CSGALNACT1: variants seen among roughly 807,000 people sequenced by gnomAD.
CSGALNACT1 encodes chondroitin sulfate N-acetylgalactosaminyltransferase 1.
A neutral mutation model predicts 51.0 loss-of-function variants in CSGALNACT1; 52 were observed. The ratio of observed to expected loss-of-function variants is 1.02; its 90% confidence interval spans 0.82 to 1.29. The LOEUF (loss-of-function observed/expected upper bound fraction) is 1.29. Among genes scored for constraint, CSGALNACT1 ranks in the 50% most tolerant of loss-of-function variants. The pLI is 0.00. For missense variants in CSGALNACT1, 935 were observed against 679.2 expected (o/e 1.38, Z -4.19); for synonymous variants, 341 against 254.4 (o/e 1.34, Z -3.24).
At chr8:19,432,149 T>C (rs1465857550) in intron 6 of CSGALNACT1, among the ~76,000 whole-genome samples, 2 of 152,200 alleles carry the variant, frequency 1.3e-5, no homozygotes, top group Non-Finnish European at 2.9e-5. Context: ...ACAGGGCATG[T>C]TTATTAGTGA....
intron 6 of CSGALNACT1, among the ~76,000 whole-genome samples, chr8:19,432,722 T>C (rs2059822634): frequency 1.3e-5 from 2 of 152,194 alleles, no homozygotes; most frequent in African/African-American, 4.8e-5. Context: ...CTCTGCCTTA[T>C]TAATTTTTCG....
At chr8:19,589,738 T>C (rs1393106640) in intron 3 of CSGALNACT1, among the ~76,000 whole-genome samples, 1 of 152,238 alleles carries the variant, frequency 6.6e-6, no homozygotes. Flanking sequence ...AATTTGATTG[T>C]AGCTTGTTAC....
chr8:19,632,831 C>T (rs115806361), intron 1 of CSGALNACT1, among the ~76,000 whole-genome samples: 3,811 of 152,234 alleles, frequency 0.025, 151 homozygotes, highest in African/African-American at 0.086. Flanking sequence ...TCACAGCTCA[C>T]TGCAGCCTCA....
chr8:19,727,081 A>G (rs2063439173), intron 1 of CSGALNACT1, among the ~76,000 whole-genome samples: 1 of 152,174 alleles, frequency 6.6e-6, no homozygotes, highest in Non-Finnish European at 1.5e-5. Flanking sequence ...CCTGGGTCAC[A>G]CATCCATTCC....
chr8:19,416,398 C>A (rs2056884417), intron 8 of CSGALNACT1, among the ~76,000 whole-genome samples: 1 of 152,066 alleles, frequency 6.6e-6, no homozygotes, highest in Non-Finnish European at 1.5e-5. Flanking sequence ...CAGGTGTGGG[C>A]CACCACACCC....
At chr8:19,443,552 G>A (rs996511671) in intron 5 of CSGALNACT1, among the ~76,000 whole-genome samples, 20 of 152,140 alleles carry the variant, frequency 1.3e-4, no homozygotes, top group Admixed American at 2.6e-4. Flanking sequence ...TTACATGGTG[G>A]CAGGCAAGAG....
chr8:19,591,382 T>G (rs575711854), intron 2 of CSGALNACT1: 1 of 152,346 alleles, frequency 6.6e-6, no homozygotes, highest in South Asian at 2.1e-4. Flanking sequence ...AACTTAGAAG[T>G]GTGAGCTATT....
intron 1 of CSGALNACT1, among the ~76,000 whole-genome samples, chr8:19,657,276 G>GATAAACTGAAAT (rs1301834325): frequency 1.3e-5 from 2 of 150,976 alleles, no homozygotes; most frequent in African/African-American, 5.0e-5. Context: ...TAAACTGAAA[G>GATAAACTGAAAT]ATAAACTGAA....
In CSGALNACT1 at chr8:19,747,345, G is replaced by T. The variant is rs560597682; in HGVS notation, c.-297+10505C>A. Among the ~76,000 whole-genome samples the T allele has an allele frequency of 2.5e-3, 376 of 152,262 alleles. 1 individual carries two copies. The highest frequency in any genetic ancestry group is 8.7e-3 in the African/African-American group (360 of 41,550). Reference sequence around the variant, plus strand: ...GGTTCTACATACAGGGTCTAAGGAGGCGTTCCCTGAGGCCTCTGTTATCCA... The same window carrying T: ...GGTTCTACATACAGGGTCTAAGGAGTCGTTCCCTGAGGCCTCTGTTATCCA... On this transcript the variant is annotated intron_variant, in intron 1 of 1. Transcript: ENST00000517494.
At chr8:19,556,124 T>C (rs965260511) in intron 3 of CSGALNACT1, among the ~76,000 whole-genome samples, 1 of 152,134 alleles carries the variant, frequency 6.6e-6, no homozygotes, top group African/African-American at 2.4e-5. Flanking sequence ...ATGCCTGTAA[T>C]CCCAACACTG....
chr8:19,513,627 C>G (rs541984114), intron 3 of CSGALNACT1, among the ~76,000 whole-genome samples: 23 of 151,958 alleles, frequency 1.5e-4, no homozygotes, highest in Non-Finnish European at 2.9e-4. Context: ...AGAGATGCAT[C>G]ATCAGGCAAT....
chr8:19,488,585 TGAAG>T (rs200583195), intron 4 of CSGALNACT1, among the ~76,000 whole-genome samples: 1,609 of 152,034 alleles, frequency 0.011, 30 homozygotes, highest in African/African-American at 0.036. Context: ...CAGAAGGGTA[TGAAG>T]AGCCAGGGAA....
At chr8:19,581,330 T>C (rs962622068) in intron 3 of CSGALNACT1, among the ~76,000 whole-genome samples, 2 of 152,204 alleles carry the variant, frequency 1.3e-5, no homozygotes, top group Non-Finnish European at 2.9e-5. Context: ...TACTCAATTA[T>C]GCTATTTTGA....
chr8:19,540,283 G>T (rs542795966), intron 3 of CSGALNACT1, among the ~76,000 whole-genome samples: 1 of 152,098 alleles, frequency 6.6e-6, no homozygotes, highest in South Asian at 2.1e-4. Flanking sequence ...TCATGCAGAC[G>T]TTAAAAAGGC....
chr8:19,429,675 C>T (rs975164057), intron 6 of CSGALNACT1, among the ~76,000 whole-genome samples: 3 of 152,198 alleles, frequency 2.0e-5, no homozygotes, highest in Admixed American at 2.0e-4. Context: ...GTGAATAATG[C>T]AGCTATGAAC....
chr8:19,594,080 G>A (rs555115720), intron 2 of CSGALNACT1, among the ~76,000 whole-genome samples: 1 of 152,288 alleles, frequency 6.6e-6, no homozygotes, highest in East Asian at 1.9e-4. Flanking sequence ...GGTTTGAGCT[G>A]AGGGTACATA....
chr8:19,672,982 G>T (rs1482391636), intron 1 of CSGALNACT1, among the ~76,000 whole-genome samples: 1 of 152,226 alleles, frequency 6.6e-6, no homozygotes, highest in Non-Finnish European at 1.5e-5. Context: ...GCTTCTAGAA[G>T]TCTCAACATC....
At chr8:19,568,683 C>T (rs1440947550) in intron 3 of CSGALNACT1, among the ~76,000 whole-genome samples, 1 of 152,170 alleles carries the variant, frequency 6.6e-6, no homozygotes, top group Non-Finnish European at 1.5e-5. Context: ...ATATGAGATT[C>T]TATTCAGTCA....
At chr8:19,721,018 G>A (rs983158734) in intron 1 of CSGALNACT1, among the ~76,000 whole-genome samples, 33 of 152,230 alleles carry the variant, frequency 2.2e-4, no homozygotes, top group African/African-American at 6.7e-4. Context: ...ACTGTTTCCC[G>A]GACCACACTA....
Sources: allele counts gnomAD v4.1 joint callset (sites outside exome capture counted in the v4.1 genomes callset), GRCh38; gene constraint gnomAD v4.1.1; transcripts MANE v1.5; gene names NCBI Gene and HGNC (gene_info 2026-07-23, HGNC 2026-07-21).